The following PPM1E variants were observed in gnomAD, a reference collection of about 807,000 sequenced individuals.
PPM1E encodes protein phosphatase 1E.
A neutral mutation model predicts 65.9 loss-of-function variants in PPM1E; 20 were observed. The observed-to-expected ratio is 0.30, with a 90% CI of 0.21 to 0.44. The LOEUF (loss-of-function observed/expected upper bound fraction) is 0.44. Among genes scored for constraint, PPM1E ranks in the 20% least tolerant of loss-of-function variants. PPM1E has a pLI of 1.00. For synonymous variants in PPM1E, 352 were observed against 374.9 expected, an observed-to-expected ratio of 0.94 and a Z score of 0.70; for missense variants, 713 against 953.1, an observed-to-expected ratio of 0.75 and a Z score of 3.32.
chr17:58,809,179 A>G (rs932647662), intron 1 of PPM1E, among the ~76,000 whole-genome samples: 5 of 152,040 alleles, frequency 3.3e-5, no homozygotes, highest in African/African-American at 9.7e-5. Context: ...TGCAGCCTTG[A>G]ATTTCTGGGC....
intron 1 of PPM1E, among the ~76,000 whole-genome samples, chr17:58,919,598 C>A (rs1222246670): frequency 6.6e-6 from 1 of 151,916 alleles, no homozygotes; most frequent in Non-Finnish European, 1.5e-5. Context: ...CCAGCCTGAC[C>A]AACATGGAGA....
intron 1 of PPM1E, among the ~76,000 whole-genome samples, chr17:58,864,619 G>A (rs1477622144): frequency 6.6e-6 from 1 of 151,724 alleles, no homozygotes; most frequent in African/African-American, 2.4e-5. Flanking sequence ...CAGCCTGGGC[G>A]ACAGAGCGAG....
At chr17:58,958,210 T>G (rs1598677967) in intron 2 of PPM1E, among the ~76,000 whole-genome samples, 1 of 151,562 alleles carries the variant, frequency 6.6e-6, no homozygotes, top group African/African-American at 2.4e-5. Context: ...TTATTTTTAT[T>G]TATTTTTTTT....
At chr17:58,978,397 G>C in intron 6 of PPM1E, among the ~76,000 whole-genome samples, 1 of 152,098 alleles carries the variant, frequency 6.6e-6, no homozygotes, top group East Asian at 1.9e-4. Context: ...GTGTGGTTTT[G>C]TTTTTATTTT....
chr17:58,830,637 TTC>T (rs1355349266), intron 1 of PPM1E, among the ~76,000 whole-genome samples: 3 of 151,956 alleles, frequency 2.0e-5, no homozygotes, highest in Non-Finnish European at 1.5e-5. Context: ...GATGATAGCA[TTC>T]TGATTCCTGA....
At position 58,980,564 on chromosome 17, in the gene PPM1E, A is replaced by G. The variant is rs890283375; in HGVS notation, c.1801A>G (p.Asn601Asp). The G allele has an allele frequency of 4.3e-6, 7 of 1,614,054 alleles. No individual in the cohort carries two copies. In the Admixed American group the frequency reaches 8.3e-5, roughly 19 times the overall value. Reference sequence around the variant, plus strand: ...TGGTCCTGGTGCACCAAAGAAAGCAAATCTTATTAATGAGTTAATGATGGA... The same window carrying G: ...TGGTCCTGGTGCACCAAAGAAAGCAGATCTTATTAATGAGTTAATGATGGA... Reference protein sequence around the residue: ...MFGPGAPKKANLINELMMEKK... With the variant: ...MFGPGAPKKADLINELMMEKK... Residue 601 changes from asparagine (N) to aspartate (D), a missense_variant, in exon 7 of 7, where the codon AAT becomes GAT. By Grantham distance (23) the Asn-to-Asp change is conservative (BLOSUM62 1). Around this residue, in one of 6 missense-constraint regions of PPM1E, gnomAD observed 286 missense variants for 313.8 expected, o/e 0.91. Coordinates refer to ENST00000308249, the MANE Select transcript of PPM1E (RefSeq NM_014906.5). This position sits in a 1 kb window ranked among gnomAD's most constrained non-coding sequence, Gnocchi z 4.7.
intron 1 of PPM1E, among the ~76,000 whole-genome samples, chr17:58,827,429 G>C (rs912213995): frequency 6.6e-6 from 1 of 151,756 alleles, no homozygotes; most frequent in Non-Finnish European, 1.5e-5. Context: ...ACCACACCAA[G>C]TGCTGGGATT....
At chr17:58,931,510 T>C (rs2051898774) in intron 1 of PPM1E, among the ~76,000 whole-genome samples, 1 of 152,002 alleles carries the variant, frequency 6.6e-6, no homozygotes, top group Admixed American at 6.6e-5. Context: ...GAGTACATCA[T>C]GAGCCAGGGA....
At chr17:58,845,337 T>C (rs1278907186) in intron 1 of PPM1E, among the ~76,000 whole-genome samples, 2 of 151,196 alleles carry the variant, frequency 1.3e-5, no homozygotes, top group Non-Finnish European at 2.9e-5. Flanking sequence ...TGTGGTAAAA[T>C]ACACATAACG....
At chr17:58,811,613 T>C (rs1256670069) in intron 1 of PPM1E, among the ~76,000 whole-genome samples, 1 of 152,240 alleles carries the variant, frequency 6.6e-6, no homozygotes, top group Non-Finnish European at 1.5e-5. Flanking sequence ...TCTTTTTACC[T>C]GTCTCAATAA....
intron 1 of PPM1E, among the ~76,000 whole-genome samples, chr17:58,901,598 C>T (rs1337929964): frequency 6.6e-6 from 1 of 151,998 alleles, no homozygotes; most frequent in Non-Finnish European, 1.5e-5. Context: ...TCACTTTAAC[C>T]TGGGAGGCCG....
intron 1 of PPM1E, among the ~76,000 whole-genome samples, chr17:58,878,808 C>CT (rs908353241): frequency 2.6e-5 from 4 of 151,280 alleles, no homozygotes; most frequent in African/African-American, 4.8e-5. Flanking sequence ...GGTGCATTGC[C>CT]TGTAGTCCCA....
intron 1 of PPM1E, among the ~76,000 whole-genome samples, chr17:58,830,983 C>T (rs1409185459): frequency 2.0e-5 from 3 of 149,420 alleles, no homozygotes; most frequent in South Asian, 4.3e-4. Context: ...CCCTACCTGA[C>T]CTGTATGTGA....
intron 1 of PPM1E, among the ~76,000 whole-genome samples, chr17:58,928,923 T>C (rs12232477): frequency 0.63 from 95,825 of 151,576 alleles, 30,619 homozygotes; most frequent in African/African-American, 0.7. Context: ...AGGCTGGTCT[T>C]GAACTCCTGA....
chr17:58,947,881 G>A (rs1426772920), intron 1 of PPM1E, among the ~76,000 whole-genome samples: 1 of 152,142 alleles, frequency 6.6e-6, no homozygotes, highest in African/African-American at 2.4e-5. Context: ...GGAATCATCT[G>A]AAGGCTTGTG....
intron 1 of PPM1E, among the ~76,000 whole-genome samples, chr17:58,762,218 G>T (rs114617071): frequency 6.6e-6 from 1 of 152,164 alleles, no homozygotes; most frequent in Non-Finnish European, 1.5e-5. Context: ...TGTGAAGATG[G>T]CTGGGCTTGG....
Position 58,984,854 on chromosome 17 carries a change from T to G in PPM1E, c.*3823T>G, listed in dbSNP as rs1221337997. 1.3e-5 allele frequency: 2 copies of G among 152,476 alleles called. No individual in the cohort carries two copies. Among genetic ancestry groups the G allele is most frequent in the African/African-American group, 4.8e-5 (2 of 41,464 alleles). The allele number at this position is 152,476 out of a possible 1,614,324, so 9.4% of individuals were successfully genotyped here. A position where few individuals can be genotyped will look rare whatever the true frequency, so the allele number is the denominator to read the frequency against. ...TCCAGACTGACACAGCAGTTGTTTTTGAAAAGGAAATAAACTTTGATGAAT... is the reference window on the plus strand; with the variant it reads ...TCCAGACTGACACAGCAGTTGTTTTGGAAAAGGAAATAAACTTTGATGAAT... On this transcript the variant is annotated 3_prime_UTR_variant, in exon 7 of 7. Transcript: ENST00000308249.
intron 1 of PPM1E, among the ~76,000 whole-genome samples, chr17:58,911,016 G>C (rs2051621189): frequency 6.6e-6 from 1 of 152,120 alleles, no homozygotes; most frequent in Non-Finnish European, 1.5e-5. Flanking sequence ...AGTGTGGGGA[G>C]CCCCTCTGAC....
chr17:58,760,432 G>A (rs997963945), intron 1 of PPM1E, among the ~76,000 whole-genome samples: 5 of 152,020 alleles, frequency 3.3e-5, no homozygotes, highest in African/African-American at 1.2e-4. Context: ...TCCTTTCCCT[G>A]ACTTCTCCTT....
Sources: gnomAD v4.1 joint callset for allele counts (sites outside exome capture counted in the v4.1 genomes callset) on GRCh38, gnomAD v4.1.1 for gene constraint, gnomAD v4.1.1 regional missense constraint, Gnocchi (gnomAD v3.1) non-coding constraint, MANE v1.5 for transcripts, NCBI Gene and HGNC (gene_info 2026-07-23, HGNC 2026-07-21) for gene names.